Variants in PANK2 observed in about 807,000 individuals in gnomAD.
PANK2 encodes pantothenate kinase 2, mitochondrial.
A neutral mutation model predicts 43.1 loss-of-function variants in PANK2; 36 were observed. That is an observed-to-expected ratio of 0.84 (90% CI 0.64 to 1.10). PANK2 has a LOEUF of 1.10. Ranked by LOEUF, PANK2 falls within the 50% of genes least tolerant of loss-of-function variation. The probability of loss-of-function intolerance (pLI) is 0.00; values close to 1 mark genes in which losing one functional copy is unlikely to be tolerated. For synonymous variants in PANK2, 281 were observed against 238.2 expected, an observed-to-expected ratio of 1.18 and a Z score of -1.66; for missense variants, 576 against 593.3, an observed-to-expected ratio of 0.97 and a Z score of 0.30.
At chr20:3,889,030 T>A, upstream of PANK2, 17 of 1,253,370 alleles carry the variant, frequency 1.4e-5, no homozygotes, top group Non-Finnish European at 1.8e-5. Flanking sequence ...GGACTCGGGG[T>A]CGCCCCAGGA....
chr20:3,896,112 A>G (rs2090202760), intron 1 of PANK2, among the ~76,000 whole-genome samples: 1 of 150,226 alleles, frequency 6.7e-6, no homozygotes, highest in Non-Finnish European at 1.5e-5. Flanking sequence ...CCCAGGCTGG[A>G]GTGCAGTGGT....
chr20:3,895,487 TTTTTTTTTTTC>T (rs1447900630), intron 1 of PANK2, among the ~76,000 whole-genome samples: 1 of 146,778 alleles, frequency 6.8e-6, no homozygotes, highest in Non-Finnish European at 1.5e-5. Flanking sequence ...TGTCTCCGTT[TTTTTTTTTTTC>T]TTTTTTTTTT....
rs1467395808 is a variant in PANK2 at position 3,903,428 on chromosome 20, A to T, written c.299-4498A>T. 4.8e-5 allele frequency among the ~76,000 whole-genome samples: 7 copies of T among 145,886 alleles called. No homozygotes were observed. In the East Asian group the frequency reaches 1.2e-3, roughly 26 times the overall value. ...CTCCCAAAGTGCTGGAATTACAGGCATGAGCCACGACGCCCGGCTTTTTTT... is the reference window on the plus strand; with the variant it reads ...CTCCCAAAGTGCTGGAATTACAGGCTTGAGCCACGACGCCCGGCTTTTTTT... On this transcript the variant is annotated intron_variant, in intron 1 of 6. Coordinates refer to ENST00000610179, the MANE Select transcript of PANK2 (RefSeq NM_001386393.1).
chr20:3,929,194 A>G lies in PANK2; in HGVS notation c.*5900A>G, dbSNP rs977731112. 6.6e-6 allele frequency: 1 copy of G among 152,238 alleles called. No homozygotes were observed. The highest frequency in any genetic ancestry group is 1.5e-5 in the Non-Finnish European group (1 of 68,086). 9.4% of individuals were successfully genotyped at this position (152,238 alleles called of 1,614,324 possible). A position where few individuals can be genotyped will look rare whatever the true frequency, so the allele number is the denominator to read the frequency against. On this transcript the variant is annotated 3_prime_UTR_variant, in exon 7 of 7. Transcript: ENST00000610179. The stretch of plus-strand genomic sequence containing the variant: ...TTCAAAGTGTGTGCACAGAGTGAGG[A>G]GGCCAGCCTGGGCAACATAGTGAGT...
At position 3,928,003 on chromosome 20, in the gene PANK2, TTTC is replaced by T. The variant is rs2090751191; in HGVS notation, c.*4714_*4716del. 1 of 152,198 alleles carries T rather than the reference TTTC, an allele frequency of 6.6e-6. No homozygotes were observed. The highest frequency in any genetic ancestry group is 1.5e-5 in the Non-Finnish European group (1 of 68,056). 9.4% of individuals were successfully genotyped at this position (152,198 alleles called of 1,614,324 possible). A position where few individuals can be genotyped will look rare whatever the true frequency, so the allele number is the denominator to read the frequency against. ...AAGGTTTACTACACAAGCCCCTCTT[TTTC>T]TTCTGATATCCCCACTCAAATGGAA... On this transcript the variant is annotated 3_prime_UTR_variant, in exon 7 of 7. Coordinates refer to ENST00000610179, the MANE Select transcript of PANK2 (RefSeq NM_001386393.1).
intron 1 of PANK2, among the ~76,000 whole-genome samples, chr20:3,902,159 C>T (rs905212456): frequency 5.3e-5 from 8 of 149,980 alleles, no homozygotes; most frequent in Non-Finnish European, 1.0e-4. Context: ...TTCTCTCCCT[C>T]TCTCTTTTTT....
intron 1 of PANK2, among the ~76,000 whole-genome samples, chr20:3,901,063 T>TATTA (rs2090292962): frequency 6.6e-6 from 1 of 151,562 alleles, no homozygotes; most frequent in Non-Finnish European, 1.5e-5. Context: ...ATTATTTATT[T>TATTA]ATTTATTTAT....
intron 1 of PANK2, among the ~76,000 whole-genome samples, chr20:3,892,134 G>A (rs1255469714): frequency 6.6e-6 from 1 of 152,016 alleles, no homozygotes; most frequent in Non-Finnish European, 1.5e-5. Context: ...TCAGGAGTTC[G>A]AGACCAGAGA....
At chr20:3,913,132 A>G (rs779832862) in intron 4 of PANK2, among the ~76,000 whole-genome samples, 1 of 151,812 alleles carries the variant, frequency 6.6e-6, no homozygotes, top group Non-Finnish European at 1.5e-5. Context: ...CTAGAAAGAA[A>G]CCTTGTGTTC....
chr20:3,913,965 AT>A (rs902921516), intron 4 of PANK2, among the ~76,000 whole-genome samples: 161 of 151,144 alleles, frequency 1.1e-3, no homozygotes, highest in African/African-American at 3.7e-3. Flanking sequence ...TTTTTTTTGT[AT>A]TTTTAGCAGA....
intron 4 of PANK2, among the ~76,000 whole-genome samples, chr20:3,914,167 C>G (rs556330131): frequency 6.6e-6 from 1 of 152,052 alleles, no homozygotes; most frequent in South Asian, 2.1e-4. Context: ...AATGTTTAAT[C>G]TTTTGAGGAA....
Position 3,918,737 on chromosome 20 carries a change from G to T in PANK2, c.1273G>T (p.Ala425Ser). The T allele has an allele frequency of 6.2e-7, 1 of 1,614,198 alleles. No homozygotes were observed. ...TAATACGATCGCCATGCGGCTTTTGGCATATGCTTTGGATTATTGGTCCAA... is the reference window on the plus strand; with the variant it reads ...TAATACGATCGCCATGCGGCTTTTGTCATATGCTTTGGATTATTGGTCCAA... The change falls in exon 6 of 7, where the codon GCA (alanine) becomes TCA (serine). Residue 425 changes from alanine to serine, a missense_variant. Around this residue, in one of 2 missense-constraint regions of PANK2, gnomAD observed 32 missense variants for 64.3 expected, o/e 0.50. Transcript: ENST00000610179.
chr20:3,918,660 G>C lies in PANK2; in HGVS notation c.1207-11G>C, dbSNP rs753139032. 3.2e-5 allele frequency: 52 copies of C among 1,613,602 alleles called. No homozygotes were observed. The highest frequency in any genetic ancestry group is 8.5e-6 in the Non-Finnish European group (10 of 1,179,858). ...AGATGAAAACTAATTGCCTTTTTTT[G>C]GTGTGCTCAGAACATTAACCAGGTG... On this transcript the variant is annotated splice_polypyrimidine_tract_variant and intron_variant, in intron 5 of 6. Coordinates refer to ENST00000610179, the MANE Select transcript of PANK2 (RefSeq NM_001386393.1).
rs369318298 is a variant in PANK2 at position 3,917,372 on chromosome 20, A to G, written c.1206+322A>G. The G allele has an allele frequency of 2.2e-4, 114 of 512,156 alleles. No individual in the cohort carries two copies. In the East Asian group the frequency reaches 3.8e-3, roughly 17 times the overall value. The allele number at this position is 512,156 out of a possible 1,614,324, so 31.7% of individuals were successfully genotyped here. ...TAACGATGCTGAATGTAGACTCCAC[A>G]CTCACTGCTGAGCTCTAGAGGCCCT... On this transcript the variant is annotated intron_variant, in intron 5 of 6. Coordinates refer to ENST00000610179, the MANE Select transcript of PANK2 (RefSeq NM_001386393.1).
At chr20:3,906,726 A>T (rs1225335651) in intron 1 of PANK2, among the ~76,000 whole-genome samples, 1 of 152,176 alleles carries the variant, frequency 6.6e-6, no homozygotes. Flanking sequence ...TAAATTTGAA[A>T]AATCATTACT....
At position 3,910,667 on chromosome 20, in the gene PANK2, T is replaced by C. The variant is rs1208485245; in HGVS notation, c.742T>C (p.Ser248Pro). Residue 248 changes from serine to proline, a missense_variant, in exon 3 of 7, where the codon TCA becomes CCA. This residue lies in a region of PANK2 where 544 missense variants were observed against 528.9 expected (regional missense o/e 1.03). Coordinates refer to ENST00000610179, the MANE Select transcript of PANK2 (RefSeq NM_001386393.1). ...TGACTCAGTCGGATTCAATGGACGG[T>C]CACAGTGCTATTACTTTGAAAACCC... The C allele has an allele frequency of 6.2e-7, 1 of 1,614,192 alleles. No homozygotes were observed. Among genetic ancestry groups the C allele is most frequent in the Admixed American group, 1.7e-5 (1 of 60,018 alleles).
chr20:3,890,011 T>C (rs2090093738), intron 1 of PANK2: 1 of 1,191,964 alleles, frequency 8.4e-7, no homozygotes, highest in East Asian at 2.8e-5. Context: ...TTGGGCATTC[T>C]CTTCCTGAGG....
chr20:3,909,930 A>G (rs1600539553), intron 2 of PANK2, among the ~76,000 whole-genome samples: 1 of 152,270 alleles, frequency 6.6e-6, no homozygotes, highest in African/African-American at 2.4e-5. Context: ...GTGCTCCATA[A>G]TACGAATAAT....
At chr20:3,897,251 G>A (rs1428175061) in intron 1 of PANK2, among the ~76,000 whole-genome samples, 7 of 152,182 alleles carry the variant, frequency 4.6e-5, no homozygotes, top group Admixed American at 1.3e-4. Context: ...CTTTGCATAC[G>A]TTTTGAAATG....
Sources: gnomAD v4.1 joint callset for allele counts (sites outside exome capture counted in the v4.1 genomes callset) on GRCh38, gnomAD v4.1.1 for gene constraint, gnomAD v4.1.1 regional missense constraint, MANE v1.5 for transcripts, NCBI Gene and HGNC (gene_info 2026-07-23, HGNC 2026-07-21) for gene names.